UBE3D: variants seen among roughly 807,000 people sequenced by gnomAD.
UBE3D encodes the protein E3 ubiquitin-protein ligase E3D.
A neutral mutation model predicts 49.6 loss-of-function variants in UBE3D; 48 were observed. The observed-to-expected ratio is 0.97, with a 90% CI of 0.77 to 1.23. The LOEUF (loss-of-function observed/expected upper bound fraction) is 1.23. Among genes scored for constraint, UBE3D ranks in the 50% most tolerant of loss-of-function variants. The pLI is 0.00. For missense variants in UBE3D, 452 were observed against 468.4 expected (o/e 0.96, Z 0.32); for synonymous variants, 189 against 174.2 (o/e 1.08, Z -0.67).
intron 8 of UBE3D, among the ~76,000 whole-genome samples, chr6:82,986,061 G>A (rs1274679210): frequency 1.3e-5 from 2 of 152,042 alleles, no homozygotes; most frequent in African/African-American, 2.4e-5. Flanking sequence ...AAAATTTGAT[G>A]GCATTTTTAT....
rs562221152 is a variant in UBE3D, at chr6:82,933,702, G to A, written c.1149+23610C>T. 4.6e-5 allele frequency among the ~76,000 whole-genome samples: 7 copies of A among 152,230 alleles called. No individual in the cohort carries two copies. The South Asian group carries it at 1.2e-3, about 27-fold the overall frequency. On this transcript the variant is annotated intron_variant, in intron 9 of 9. Transcript: ENST00000369747. ...GTTGTTATTTTCCTTCTACAGATACGAAATGAAAACAAAGGTTAAATCATA... is the reference window on the plus strand; with the variant it reads ...GTTGTTATTTTCCTTCTACAGATACAAAATGAAAACAAAGGTTAAATCATA...
At chr6:82,928,369 A>C (rs1773910961) in intron 9 of UBE3D, among the ~76,000 whole-genome samples, 1 of 152,118 alleles carries the variant, frequency 6.6e-6, no homozygotes, top group Non-Finnish European at 1.5e-5. Flanking sequence ...TATGTATTAT[A>C]AAAAAGCACA....
intron 1 of UBE3D, chr6:83,063,200 TC>T: frequency 3.9e-6 from 1 of 259,006 alleles, no homozygotes; most frequent in Non-Finnish European, 7.8e-6. Flanking sequence ...ATCGCTTGAG[TC>T]CAGGAGTTCA....
intron 2 of UBE3D, among the ~76,000 whole-genome samples, chr6:83,055,532 A>C (rs768563027): frequency 6.6e-6 from 1 of 152,206 alleles, no homozygotes; most frequent in African/African-American, 2.4e-5. Flanking sequence ...ACCCACAAAC[A>C]AATTTTCAGT....
intron 8 of UBE3D, among the ~76,000 whole-genome samples, chr6:83,015,823 C>T (rs544009785): frequency 1.5e-4 from 23 of 152,156 alleles, no homozygotes; most frequent in African/African-American, 4.3e-4. Flanking sequence ...GGTGTATCTT[C>T]TCAGACAAAG....
intron 8 of UBE3D, among the ~76,000 whole-genome samples, chr6:82,994,739 G>T (rs1779125512): frequency 1.3e-5 from 2 of 152,156 alleles, no homozygotes; most frequent in African/African-American, 4.8e-5. Context: ...GGGGAAGTTG[G>T]AAACAATTAA....
chr6:82,963,610 T>C (rs971483652), intron 8 of UBE3D, among the ~76,000 whole-genome samples: 5 of 152,102 alleles, frequency 3.3e-5, no homozygotes, highest in Non-Finnish European at 7.4e-5. Context: ...GCTAAGTCAA[T>C]TTAGCCTTTT....
At chr6:83,012,886 C>T (rs1478921973) in intron 8 of UBE3D, among the ~76,000 whole-genome samples, 7 of 152,188 alleles carry the variant, frequency 4.6e-5, no homozygotes, top group Admixed American at 2.0e-4. Context: ...GGTTGTAGTG[C>T]TGTAGCTGTC....
intron 8 of UBE3D, among the ~76,000 whole-genome samples, chr6:82,985,489 A>T (rs1213858316): frequency 1.3e-5 from 2 of 152,064 alleles, no homozygotes; most frequent in African/African-American, 2.4e-5. Flanking sequence ...CAGCCTCCCA[A>T]GTAGCTTGGA....
chr6:83,059,572 A>C (rs1784034044), intron 1 of UBE3D, among the ~76,000 whole-genome samples: 1 of 152,180 alleles, frequency 6.6e-6, no homozygotes, highest in South Asian at 2.1e-4. Context: ...CAAGTGCCGC[A>C]AGAGATACCA....
At chr6:82,881,052 C>T in the UBE3D span, among the ~76,000 whole-genome samples, 1 of 152,172 alleles carries the variant, frequency 6.6e-6, no homozygotes. Flanking sequence ...CCTCCTAATA[C>T]CATCTCATTG....
intron 8 of UBE3D, among the ~76,000 whole-genome samples, chr6:82,982,949 G>A (rs1161920235): frequency 6.6e-6 from 1 of 151,910 alleles, no homozygotes; most frequent in African/African-American, 2.4e-5. Flanking sequence ...AAGCTATGAT[G>A]GTTCATAGCA....
At chr6:83,048,971 C>T (rs1350759087) in intron 3 of UBE3D, among the ~76,000 whole-genome samples, 1 of 151,888 alleles carries the variant, frequency 6.6e-6, no homozygotes, top group Non-Finnish European at 1.5e-5. Flanking sequence ...TTCTCTCAGC[C>T]TAAGATTCTA....
intron 9 of UBE3D, among the ~76,000 whole-genome samples, chr6:82,893,338 C>T (rs1160972000): frequency 2.0e-5 from 3 of 152,076 alleles, no homozygotes; most frequent in Admixed American, 6.6e-5. Flanking sequence ...TCATTTCCAT[C>T]GATTCACAAC....
intron 8 of UBE3D, among the ~76,000 whole-genome samples, chr6:83,009,823 T>C (rs1442327304): frequency 1.3e-5 from 2 of 150,108 alleles, no homozygotes; most frequent in Non-Finnish European, 1.5e-5. Context: ...TTAAAGAGTA[T>C]ACTTCATCAC....
chr6:82,983,592 A>G (rs1314284642), intron 8 of UBE3D, among the ~76,000 whole-genome samples: 1 of 152,080 alleles, frequency 6.6e-6, no homozygotes, highest in Non-Finnish European at 1.5e-5. Flanking sequence ...TAATATTTCT[A>G]TTCCAAATCC....
chr6:82,917,119 C>T (rs945021774), intron 9 of UBE3D, among the ~76,000 whole-genome samples: 1 of 152,090 alleles, frequency 6.6e-6, no homozygotes, highest in African/African-American at 2.4e-5. Context: ...AGCTTTTTCC[C>T]AATTCATATT....
chr6:83,038,597 T>C, intron 4 of UBE3D, 112 bp from the exon 5 acceptor site: 1 of 892,540 alleles, frequency 1.1e-6, no homozygotes, highest in Non-Finnish European at 1.7e-6. Flanking sequence ...TATTCTGCCC[T>C]CTACTAAATA....
intron 8 of UBE3D, among the ~76,000 whole-genome samples, chr6:82,958,864 C>T (rs758495533): frequency 1.3e-5 from 2 of 152,178 alleles, no homozygotes; most frequent in South Asian, 2.1e-4. Context: ...AAGCAAGATG[C>T]TTTTATACAT....
Sources: gnomAD v4.1 joint callset for allele counts (sites outside exome capture counted in the v4.1 genomes callset) on GRCh38, gnomAD v4.1.1 for gene constraint, MANE v1.5 for transcripts, NCBI Gene and HGNC (gene_info 2026-07-23, HGNC 2026-07-21) for gene names.